PIEZO2: variants seen among roughly 807,000 people sequenced by gnomAD.
PIEZO2 encodes piezo-type mechanosensitive ion channel component 2.
In PIEZO2, 172 loss-of-function variants were observed where a neutral mutation model predicts 337.3. The observed-to-expected ratio is 0.51, with a 90% CI of 0.45 to 0.58. The LOEUF (loss-of-function observed/expected upper bound fraction) is 0.58. Among genes scored for constraint, PIEZO2 ranks in the 20% least tolerant of loss-of-function variants. PIEZO2 has a pLI of 0.00. For missense variants in PIEZO2, 3,028 were observed against 3,391.3 expected, an observed-to-expected ratio of 0.89 and a Z score of 2.66; for synonymous variants, 1,251 against 1,228.5, an observed-to-expected ratio of 1.02 and a Z score of -0.38.
chr18:10,997,796 T>C (rs2035380477), intron 2 of PIEZO2, among the ~76,000 whole-genome samples: 1 of 152,154 alleles, frequency 6.6e-6, no homozygotes, highest in African/African-American at 2.4e-5. Flanking sequence ...AAAAGGTCTA[T>C]CATTTGCATC....
intron 28 of PIEZO2, among the ~76,000 whole-genome samples, chr18:10,751,543 A>C (rs1223795514): frequency 2.0e-5 from 3 of 152,232 alleles, no homozygotes; most frequent in African/African-American, 7.2e-5. Context: ...AAATTATCCA[A>C]ATACCTATTC....
At position 11,104,953 on chromosome 18, in the gene PIEZO2, G is replaced by A. The variant is rs780916075; in HGVS notation, c.65-38731C>T. ...GCTGGGATCCCAGCAGGGCCACAGC[G>A]TGTCCTCTCTGGGACTTTCGCTGGA... On this transcript the variant is annotated intron_variant, in intron 1 of 55. Coordinates refer to ENST00000674853, the MANE Select transcript of PIEZO2 (RefSeq NM_001378183.1). The surrounding 1 kb of genome is among the most constrained non-coding windows in gnomAD (Gnocchi z 4.6). 7.9e-5 allele frequency among the ~76,000 whole-genome samples: 12 copies of A among 152,108 alleles called. No individual in the cohort carries two copies. The highest frequency in any genetic ancestry group is 2.2e-4 in the African/African-American group (9 of 41,424).
intron 5 of PIEZO2, among the ~76,000 whole-genome samples, chr18:10,864,087 C>T (rs1009292437): frequency 1.3e-5 from 2 of 152,172 alleles, no homozygotes; most frequent in Non-Finnish European, 2.9e-5. Context: ...TCAACAGTTT[C>T]CAGAAAGATT....
Position 10,781,304 on chromosome 18 carries a change from T to C in PIEZO2, c.2493-938A>G, listed in dbSNP as rs541900997. On this transcript the variant is annotated intron_variant, in intron 17 of 55. Transcript: ENST00000674853. This position sits in a 1 kb window ranked among gnomAD's most constrained non-coding sequence, Gnocchi z 4.1. Reference sequence around the variant, plus strand: ...GCCAATATGGTGAAACCCCCGTCTCTATTAAAAATAGAAAAATTAGCCAGG... The same window carrying C: ...GCCAATATGGTGAAACCCCCGTCTCCATTAAAAATAGAAAAATTAGCCAGG... 1.3e-5 allele frequency among the ~76,000 whole-genome samples: 2 copies of C among 151,806 alleles called. No homozygotes were observed. The highest frequency in any genetic ancestry group is 4.8e-5 in the African/African-American group (2 of 41,278).
intron 36 of PIEZO2, among the ~76,000 whole-genome samples, chr18:10,721,408 T>C (rs1452143098): frequency 6.6e-6 from 1 of 152,196 alleles, no homozygotes; most frequent in Non-Finnish European, 1.5e-5. Flanking sequence ...AAAGAGTATC[T>C]TTAAGTTATT....
At position 10,741,087 on chromosome 18, in the gene PIEZO2, T is replaced by C; in HGVS notation, c.4652A>G (p.Gln1551Arg). The C allele has an allele frequency of 6.5e-7, 1 of 1,536,690 alleles. No individual in the cohort carries two copies. The part of the protein sequence containing the change: ...EEDDEREADK[Q>R]KAKGKKKQWW... ...CTGCTTTTTTTTGCCCTTGGCTTTCTGTTTGTCTGCTTCTCCTAAAATAAA... is the reference window on the plus strand; with the variant it reads ...CTGCTTTTTTTTGCCCTTGGCTTTCCGTTTGTCTGCTTCTCCTAAAATAAA... Residue 1551 changes from glutamine to arginine, a missense_variant, in exon 33 of 56, where the codon CAG (glutamine) becomes CGG (arginine). Transcript: ENST00000674853.
intron 3 of PIEZO2, among the ~76,000 whole-genome samples, chr18:10,917,684 C>T (rs1248174563): frequency 6.6e-6 from 1 of 152,162 alleles, no homozygotes; most frequent in Non-Finnish European, 1.5e-5. Context: ...TGCCCCTCTG[C>T]TTCTTCAAAA....
chr18:10,690,611 C>G (rs868852208), intron 48 of PIEZO2, among the ~76,000 whole-genome samples: 1 of 152,228 alleles, frequency 6.6e-6, no homozygotes, highest in African/African-American at 2.4e-5. Flanking sequence ...GACACCTCTT[C>G]TGTCTGGTGC....
In PIEZO2 at chr18:11,112,571, G is replaced by A. The variant is rs1048015381; in HGVS notation, c.64+35954C>T. On this transcript the variant is annotated intron_variant, in intron 1 of 55. Coordinates refer to ENST00000674853, the MANE Select transcript of PIEZO2 (RefSeq NM_001378183.1). The surrounding 1 kb of genome is among the most constrained non-coding windows in gnomAD (Gnocchi z 4.3). ...ACAGATTGGCCTTGGAGCAGCTATC[G>A]AAACCACATAAACATTGCATACTAG... is the stretch of plus-strand genomic sequence containing the variant. 2.6e-5 allele frequency among the ~76,000 whole-genome samples: 4 copies of A among 152,170 alleles called. No homozygotes were observed. The highest frequency in any genetic ancestry group is 1.9e-4 in the East Asian group (1 of 5,188).
rs1443762800 is a variant in PIEZO2 at position 11,031,056 on chromosome 18, C to T, written c.160+35071G>A. 1.3e-5 allele frequency among the ~76,000 whole-genome samples: 2 copies of T among 152,138 alleles called. No homozygotes were observed. Among genetic ancestry groups the T allele is most frequent in the Non-Finnish European group, 2.9e-5 (2 of 68,034 alleles). On this transcript the variant is annotated intron_variant, in intron 2 of 55. Coordinates refer to ENST00000674853, the MANE Select transcript of PIEZO2 (RefSeq NM_001378183.1). The surrounding 1 kb of genome is among the most constrained non-coding windows in gnomAD (Gnocchi z 4.7). Reference sequence around the variant, plus strand: ...CCAGGCTGGAGTGCAGTGGCGTGATCTTGGCTCATTGCAAACGCCGCCTCC... The same window carrying T: ...CCAGGCTGGAGTGCAGTGGCGTGATTTTGGCTCATTGCAAACGCCGCCTCC...
chr18:11,061,773 G>T (rs1183097967), intron 2 of PIEZO2, among the ~76,000 whole-genome samples: 3 of 152,022 alleles, frequency 2.0e-5, no homozygotes, highest in Admixed American at 6.6e-5. Flanking sequence ...AAACAAATGG[G>T]GAAGAACATT....
intron 3 of PIEZO2, among the ~76,000 whole-genome samples, chr18:10,957,211 G>A (rs1252686872): frequency 6.6e-6 from 1 of 151,438 alleles, no homozygotes; most frequent in Admixed American, 6.6e-5. Context: ...AGCCTGGCGA[G>A]CATGGTAAAA....
At chr18:10,959,500 T>TTATA (rs1163216400) in intron 3 of PIEZO2, among the ~76,000 whole-genome samples, 1 of 152,180 alleles carries the variant, frequency 6.6e-6, no homozygotes, top group African/African-American at 2.4e-5. Context: ...ATGAGATGTC[T>TTATA]TATAACACAT....
chr18:10,970,969 C>G (rs1041104033), intron 3 of PIEZO2, among the ~76,000 whole-genome samples: 3 of 152,124 alleles, frequency 2.0e-5, no homozygotes, highest in African/African-American at 7.2e-5. Flanking sequence ...CTACATTAAT[C>G]CACAATACGG....
chr18:10,717,017 G>A (rs1005522640), intron 37 of PIEZO2, among the ~76,000 whole-genome samples: 1 of 152,086 alleles, frequency 6.6e-6, no homozygotes, highest in African/African-American at 2.4e-5. Context: ...TTAACCACAG[G>A]GGCAGTAGGG....
chr18:10,837,229 C>A lies in PIEZO2; in HGVS notation c.917+18124G>T, dbSNP rs2041043069. 6.6e-6 allele frequency among the ~76,000 whole-genome samples: 1 copy of A among 152,190 alleles called. No homozygotes were observed. On this transcript the variant is annotated intron_variant, in intron 7 of 55. Transcript: ENST00000674853. This position sits in a 1 kb window ranked among gnomAD's most constrained non-coding sequence, Gnocchi z 4.4. ...ATGCTTTGAGGGGATTTTATTTTGA[C>A]AGCTTTCACTAACTTTGTTTTTATA...
At chr18:11,064,224 G>A (rs2038073639) in intron 2 of PIEZO2, among the ~76,000 whole-genome samples, 1 of 152,080 alleles carries the variant, frequency 6.6e-6, no homozygotes, top group Non-Finnish European at 1.5e-5. Context: ...TGATATCCTT[G>A]CTTGGAGCCC....
Position 10,952,783 on chromosome 18 carries a change from A to G in PIEZO2, c.286+26752T>C, listed in dbSNP as rs180733605. The stretch of plus-strand genomic sequence containing the variant: ...GAAGATTATTTTTCAAAGTGTCTAT[A>G]TAATTGTACATTCCCGCCAGAAATG... On this transcript the variant is annotated intron_variant, in intron 3 of 55. Coordinates refer to ENST00000674853, the MANE Select transcript of PIEZO2 (RefSeq NM_001378183.1). This position sits in a 1 kb window ranked among gnomAD's most constrained non-coding sequence, Gnocchi z 4.1. Among the ~76,000 whole-genome samples the G allele has an allele frequency of 1.1e-4, 16 of 152,310 alleles. No homozygotes were observed. The highest frequency in any genetic ancestry group is 3.1e-4 in the African/African-American group (13 of 41,572).
chr18:10,942,869 G>A lies in PIEZO2; in HGVS notation c.287-31641C>T, dbSNP rs976172296. 6.6e-6 allele frequency among the ~76,000 whole-genome samples: 1 copy of A among 152,198 alleles called. No individual in the cohort carries two copies. Among genetic ancestry groups the A allele is most frequent in the Admixed American group, 6.5e-5 (1 of 15,288 alleles). On this transcript the variant is annotated intron_variant, in intron 3 of 55. Transcript: ENST00000674853. The surrounding 1 kb of genome is among the most constrained non-coding windows in gnomAD (Gnocchi z 4.4). ...CAGGCTCAGGGTCCCCGTGCTGTGT[G>A]CAGCCTAGGGAATTGGTGCCCTGCG...
Sources: gnomAD v4.1 joint callset for allele counts (sites outside exome capture counted in the v4.1 genomes callset) on GRCh38, gnomAD v4.1.1 for gene constraint, Gnocchi (gnomAD v3.1) non-coding constraint, MANE v1.5 for transcripts, NCBI Gene and HGNC (gene_info 2026-07-23, HGNC 2026-07-21) for gene names.